CA4: variants seen among roughly 807,000 people sequenced by gnomAD.
The protein encoded by CA4 is CA-IV.
Under a neutral mutation model 34.5 loss-of-function variants are expected in CA4, and 24 were observed. The ratio of observed to expected loss-of-function variants is 0.70; its 90% confidence interval spans 0.50 to 0.98. The LOEUF (loss-of-function observed/expected upper bound fraction) is 0.98. CA4 is among the 50% of genes least tolerant of loss of function. The pLI, the probability that CA4 is intolerant of heterozygous loss-of-function variation, is 0.00. For synonymous variants in CA4, 178 were observed against 170.6 expected, an observed-to-expected ratio of 1.04 and a Z score of -0.34; for missense variants, 394 against 396.7, an observed-to-expected ratio of 0.99 and a Z score of 0.06.
intron 5 of CA4, among the ~76,000 whole-genome samples, chr17:60,169,894 TC>T (rs2083897502): frequency 6.6e-6 from 1 of 152,138 alleles, no homozygotes; most frequent in Admixed American, 6.5e-5. Flanking sequence ...TCTTTCTCTT[TC>T]TTTTTTTCTG....
chr17:60,176,670 G>A, the CA4 span, among the ~76,000 whole-genome samples: 16 of 152,244 alleles, frequency 1.1e-4, no homozygotes, highest in African/African-American at 9.6e-5. Flanking sequence ...AGGGATGTGA[G>A]CCATGTTTAA....
intron 3 of CA4, chr17:60,156,996 G>C (rs1017323144): frequency 1.8e-6 from 1 of 542,946 alleles, no homozygotes; most frequent in African/African-American, 1.9e-5. Context: ...GTGTTCAGAG[G>C]ACTGCCAGGA....
chr17:60,159,023 A>G, intron 7 of CA4: 1 of 616,492 alleles, frequency 1.6e-6, no homozygotes, highest in Non-Finnish European at 2.9e-6. Context: ...AAAGGAAGCC[A>G]ATGGGCACTT....
downstream of CA4, chr17:60,159,609 CT>C (rs2083762077): frequency 1.5e-6 from 1 of 672,002 alleles, no homozygotes; most frequent in Non-Finnish European, 2.6e-6. Flanking sequence ...CCACCCACCC[CT>C]GTTCCTCCTG....
rs141026472 is a variant in CA4, at chr17:60,158,820, CTG to C, written c.744+375_744+376del. ...TGGACCAGTGGAGTCAACATCATCA[CTG>C]GGGGAATTTGTTAGAAATGCTAATC... On this transcript the variant is annotated intron_variant, in intron 7 of 7. Transcript: ENST00000300900. 29 of 412,908 alleles carry C rather than the reference CTG, an allele frequency of 7.0e-5. No homozygotes were observed. In the East Asian group the frequency reaches 1.4e-3, roughly 20 times the overall value. The allele number at this position is 412,908 out of a possible 1,614,324, so 25.6% of individuals were successfully genotyped here. A position where few individuals can be genotyped will look rare whatever the true frequency, so the allele number is the denominator to read the frequency against.
intron 5 of CA4, among the ~76,000 whole-genome samples, chr17:60,165,960 C>T (rs1023071379): frequency 2.6e-5 from 4 of 151,896 alleles, no homozygotes; most frequent in African/African-American, 9.7e-5. Flanking sequence ...TCTGGTGACC[C>T]TACCTCCATC....
chr17:60,159,294 T>G lies in CA4; in HGVS notation c.809T>G (p.Val270Gly). ...KEQTVSMKDN[V>G]RPLQQLGQRT... ...CAGACAGTGAGCATGAAGGACAATGTCAGGCCCCTGCAGCAGCTGGGGCAG... is the reference window on the plus strand; with the variant it reads ...CAGACAGTGAGCATGAAGGACAATGGCAGGCCCCTGCAGCAGCTGGGGCAG... Residue 270 changes from valine to glycine, a missense_variant, in exon 8 of 8, where the codon GTC (valine) becomes GGC (glycine). Transcript: ENST00000300900. The G allele has an allele frequency of 1.2e-6, 2 of 1,610,398 alleles. No individual in the cohort carries two copies. The highest frequency in any genetic ancestry group is 1.7e-6 in the Non-Finnish European group (2 of 1,178,324).
At position 60,159,276 on chromosome 17, in the gene CA4, T is replaced by C; in HGVS notation, c.791T>C (p.Val264Ala). The C allele has an allele frequency of 6.2e-7, 1 of 1,610,126 alleles. No individual in the cohort carries two copies. Among genetic ancestry groups the C allele is most frequent in the Non-Finnish European group, 8.5e-7 (1 of 1,178,156 alleles). Residue 264 changes from valine to alanine, a missense_variant, in exon 8 of 8, where the codon GTG (valine) becomes GCG (alanine). By Grantham distance (64) the Val-to-Ala change is moderately conservative. Coordinates refer to ENST00000300900, the MANE Select transcript of CA4 (RefSeq NM_000717.5). ...CTGTACTACGACAAGGAACAGACAG[T>C]GAGCATGAAGGACAATGTCAGGCCC... ...QKLYYDKEQT[V>A]SMKDNVRPLQ... is the part of the protein sequence containing the mutation.
At chr17:60,151,317 G>C (rs2083588213) in intron 1 of CA4, 1 of 152,332 alleles carries the variant, frequency 6.6e-6, no homozygotes. Context: ...AGGAGCCAGC[G>C]TGTGCCCTTT....
chr17:60,165,633 C>T (rs2083847320), intron 5 of CA4, among the ~76,000 whole-genome samples: 1 of 151,958 alleles, frequency 6.6e-6, no homozygotes, highest in Non-Finnish European at 1.5e-5. Flanking sequence ...CACACATGTC[C>T]ATCTCTCTGC....
At chr17:60,154,418 T>A (rs936251999) in intron 1 of CA4, among the ~76,000 whole-genome samples, 13 of 152,118 alleles carry the variant, frequency 8.5e-5, no homozygotes, top group African/African-American at 3.1e-4. Flanking sequence ...CCCAAACCCA[T>A]CTAAGCCCCC....
downstream of CA4, among the ~76,000 whole-genome samples, chr17:60,174,361 A>G (rs1322841369): frequency 6.6e-6 from 1 of 152,040 alleles, no homozygotes; most frequent in African/African-American, 2.4e-5. Context: ...TAAACTGGAT[A>G]CTTTGTATTA....
downstream of CA4, chr17:60,159,642 G>T (rs2083762671): frequency 4.9e-6 from 3 of 616,842 alleles, no homozygotes; most frequent in Non-Finnish European, 5.7e-6. Context: ...GGGCTTTAAG[G>T]CCAGGAGATT....
chr17:60,173,946 C>T (rs773053748), downstream of CA4, among the ~76,000 whole-genome samples: 6 of 152,158 alleles, frequency 3.9e-5, no homozygotes, highest in Admixed American at 6.5e-5. Context: ...GAGCTCTGTA[C>T]GTGGTAGGTG....
chr17:60,177,846 G>A, the CA4 span, among the ~76,000 whole-genome samples: 1 of 152,104 alleles, frequency 6.6e-6, no homozygotes, highest in Non-Finnish European at 1.5e-5. Context: ...CTATCTATGA[G>A]GAAGAAAGGG....
intron 2 of CA4, 80 bp from the exon 3 acceptor site, chr17:60,156,480 G>A (rs1050861042): frequency 2.1e-6 from 3 of 1,404,834 alleles, no homozygotes; most frequent in Non-Finnish European, 3.0e-6. Flanking sequence ...GAGTGGGTGG[G>A]CCTGACTTCA....
At position 60,149,982 on chromosome 17, in the gene CA4, G is replaced by A; in HGVS notation, c.-53G>A. ...CCGGCAGGATCGCTGCACCCGCGGC[G>A]GCCTCCTCGGTGCGCGACCCCCGGC... On this transcript the variant is annotated 5_prime_UTR_variant, in exon 1 of 8. Transcript: ENST00000300900. 1 of 1,462,818 alleles carries A rather than the reference G, an allele frequency of 6.8e-7. No individual in the cohort carries two copies. The highest frequency in any genetic ancestry group is 9.4e-7 in the Non-Finnish European group (1 of 1,059,854). 90.6% of individuals were successfully genotyped at this position (1,462,818 alleles called of 1,614,324 possible).
At chr17:60,155,124 T>C (rs139371018) in intron 1 of CA4, among the ~76,000 whole-genome samples, 190 bp from the exon 2 acceptor site, 1 of 152,282 alleles carries the variant, frequency 6.6e-6, no homozygotes, top group East Asian at 1.9e-4. Context: ...CCAGCTGACC[T>C]GTTGATCAGC....
intron 7 of CA4, 75 bp downstream of exon 7, chr17:60,158,521 G>A: frequency 6.7e-7 from 1 of 1,491,052 alleles, no homozygotes; most frequent in Non-Finnish European, 9.2e-7. Context: ...TCTGCCCTCA[G>A]AGGTCCCTCA....
Sources: gnomAD v4.1 joint callset for allele counts (sites outside exome capture counted in the v4.1 genomes callset) on GRCh38, gnomAD v4.1.1 for gene constraint, MANE v1.5 for transcripts, NCBI Gene and HGNC (gene_info 2026-07-23, HGNC 2026-07-21) for gene names.